SH3PXD2A: variants seen among roughly 807,000 people sequenced by gnomAD.
SH3PXD2A encodes SH3 and PX domains 2A, also known as SH3 and PX domain-containing protein 2A.
In SH3PXD2A, 32 loss-of-function variants were observed where a neutral mutation model predicts 115.2. The ratio of observed to expected loss-of-function variants is 0.28; its 90% CI spans 0.21 to 0.37. The LOEUF is 0.37. Among genes scored for constraint, SH3PXD2A ranks in the 10% least tolerant of loss-of-function variants. The probability of loss-of-function intolerance (pLI) is 1.00; values close to 1 mark genes in which losing one functional copy is unlikely to be tolerated. For synonymous variants in SH3PXD2A, 610 were observed against 629.1 expected (o/e 0.97, Z 0.45); for missense variants, 1,328 against 1,498.7 (o/e 0.89, Z 1.88).
intron 10 of SH3PXD2A, among the ~76,000 whole-genome samples, chr10:103,619,704 G>C (rs948967243): frequency 6.6e-6 from 1 of 152,220 alleles, no homozygotes; most frequent in Admixed American, 6.5e-5. Flanking sequence ...TCTTGGGGGT[G>C]GGGGCAGAAC....
chr10:103,630,223 G>A (rs1273459809), intron 8 of SH3PXD2A, among the ~76,000 whole-genome samples: 1 of 152,202 alleles, frequency 6.6e-6, no homozygotes, highest in Non-Finnish European at 1.5e-5. Context: ...ACTTTGCAAG[G>A]GGCTCTGCCT....
rs187424946 is a variant in SH3PXD2A, at chr10:103,630,675, G to A, written c.605-3473C>T. 2.7e-5 allele frequency among the ~76,000 whole-genome samples: 4 copies of A among 150,886 alleles called. No individual in the cohort carries two copies. The East Asian group carries it at 7.8e-4, about 30-fold the overall frequency. Reference sequence around the variant, plus strand: ...TTGTGCCTGTAATGTCAGCTGCTTGGGAGGCTAAGGTGGGTCACTTGAGGC... The same window carrying A: ...TTGTGCCTGTAATGTCAGCTGCTTGAGAGGCTAAGGTGGGTCACTTGAGGC... On this transcript the variant is annotated intron_variant, in intron 8 of 14. Transcript: ENST00000369774.
chr10:103,633,027 A>G (rs2036805740), intron 8 of SH3PXD2A, among the ~76,000 whole-genome samples: 1 of 152,076 alleles, frequency 6.6e-6, no homozygotes, highest in Non-Finnish European at 1.5e-5. Flanking sequence ...AAACAAAAAC[A>G]GAGTCTGACA....
chr10:103,776,072 G>A (rs547994215), intron 2 of SH3PXD2A, among the ~76,000 whole-genome samples: 63 of 152,230 alleles, frequency 4.1e-4, no homozygotes, highest in Admixed American at 9.2e-4. Flanking sequence ...CTGGCTCATG[G>A]CCCCTTTCTC....
intron 1 of SH3PXD2A, among the ~76,000 whole-genome samples, chr10:103,837,439 C>T (rs1313958151): frequency 6.6e-6 from 1 of 152,182 alleles, no homozygotes; most frequent in Non-Finnish European, 1.5e-5. Flanking sequence ...CATTCCCCAC[C>T]ACTTGAGGGT....
At chr10:103,807,154 C>A (rs1026629518) in intron 1 of SH3PXD2A, among the ~76,000 whole-genome samples, 1 of 152,212 alleles carries the variant, frequency 6.6e-6, no homozygotes, top group Admixed American at 6.5e-5. Flanking sequence ...AGAATGAAGC[C>A]TAGCCCATTT....
At chr10:103,693,896 C>CCTTA in intron 5 of SH3PXD2A, among the ~76,000 whole-genome samples, 1 of 152,288 alleles carries the variant, frequency 6.6e-6, no homozygotes, top group African/African-American at 2.4e-5. Flanking sequence ...ACTGCTGTGA[C>CCTTA]CTTAGGCACT....
In SH3PXD2A at chr10:103,737,442, A is replaced by G. The variant is rs76424188; in HGVS notation, c.230-1634T>C. Reference sequence around the variant, plus strand: ...GCCTTGATTTAGATTATTCCCCCAGACACAGCCCCAGAAACAAGGATTTGA... The same window carrying G: ...GCCTTGATTTAGATTATTCCCCCAGGCACAGCCCCAGAAACAAGGATTTGA... On this transcript the variant is annotated intron_variant, in intron 3 of 14. Coordinates refer to ENST00000369774, the MANE Select transcript of SH3PXD2A (RefSeq NM_001394015.1). Among the ~76,000 whole-genome samples the G allele has an allele frequency of 9.9e-3, 1,514 of 152,280 alleles. 33 individuals carry two copies. The highest frequency in any genetic ancestry group is 0.033 in the African/African-American group (1,387 of 41,534).
At chr10:103,754,753 G>A (rs2134209504) in intron 3 of SH3PXD2A, 1 of 152,308 alleles carries the variant, frequency 6.6e-6, no homozygotes, top group East Asian at 1.9e-4. Flanking sequence ...TCAGGTGTAT[G>A]TAAGGATGTG....
At chr10:103,747,335 G>A (rs1009021971) in intron 3 of SH3PXD2A, among the ~76,000 whole-genome samples, 25 of 152,306 alleles carry the variant, frequency 1.6e-4, no homozygotes, top group African/African-American at 4.6e-4. Context: ...CCATGTGGGC[G>A]TGGGTGTGGT....
chr10:103,615,483 GGTGT>G (rs57711259), intron 11 of SH3PXD2A, among the ~76,000 whole-genome samples: 8,224 of 128,486 alleles, frequency 0.064, 354 homozygotes, highest in African/African-American at 0.11. Flanking sequence ...AGAGTGCGAG[GGTGT>G]GTGTGTGTGT....
At chr10:103,719,721 C>CTTTTTTT (rs11438501) in intron 5 of SH3PXD2A, among the ~76,000 whole-genome samples, 2 of 114,720 alleles carry the variant, frequency 1.7e-5, no homozygotes, top group African/African-American at 6.9e-5. Context: ...TTTTTTCTTT[C>CTTTTTTT]TTTTTTTTTT....
At chr10:103,707,797 C>T (rs976243338) in intron 5 of SH3PXD2A, among the ~76,000 whole-genome samples, 1 of 152,108 alleles carries the variant, frequency 6.6e-6, no homozygotes, top group Admixed American at 6.5e-5. Flanking sequence ...GGATTTGACT[C>T]CAGTGCCAGC....
intron 3 of SH3PXD2A, among the ~76,000 whole-genome samples, chr10:103,736,049 C>T (rs539738469): frequency 3.9e-5 from 6 of 152,206 alleles, no homozygotes; most frequent in Non-Finnish European, 8.8e-5. Context: ...TCTTGGGATT[C>T]AATGAGTGAC....
intron 6 of SH3PXD2A, among the ~76,000 whole-genome samples, chr10:103,689,125 T>C (rs1167431739): frequency 6.6e-6 from 1 of 152,146 alleles, no homozygotes; most frequent in African/African-American, 2.4e-5. Context: ...CTTCTTGCCT[T>C]GGCCTCCCAA....
intron 2 of SH3PXD2A, among the ~76,000 whole-genome samples, chr10:103,771,013 T>C (rs1019210123): frequency 6.6e-6 from 1 of 152,214 alleles, no homozygotes; most frequent in African/African-American, 2.4e-5. Context: ...TAACATGTCA[T>C]TGGGGCCTCT....
chr10:103,757,007 T>G (rs970338811), intron 3 of SH3PXD2A, among the ~76,000 whole-genome samples: 2 of 152,160 alleles, frequency 1.3e-5, no homozygotes, highest in Non-Finnish European at 1.5e-5. Flanking sequence ...TCAACCCTGG[T>G]CTCAGTAACC....
chr10:103,802,797 G>C (rs1207487267), intron 1 of SH3PXD2A, among the ~76,000 whole-genome samples: 1 of 152,166 alleles, frequency 6.6e-6, no homozygotes, highest in African/African-American at 2.4e-5. Flanking sequence ...GTGCCCTTTA[G>C]GATCACCTGG....
At position 103,601,651 on chromosome 10, in the gene SH3PXD2A, G is replaced by A. The variant is rs2036215785; in HGVS notation, c.*165C>T. On this transcript the variant is annotated 3_prime_UTR_variant, in exon 15 of 15. Coordinates refer to ENST00000369774, the MANE Select transcript of SH3PXD2A (RefSeq NM_001394015.1). The stretch of plus-strand genomic sequence containing the variant: ...ATCCCCTACCTTCCAGCTGTGGGAT[G>A]GCTTGGACAGGGGGCATCTTTGAGG... 1.8e-6 allele frequency: 1 copy of A among 567,144 alleles called. No individual in the cohort carries two copies. The highest frequency in any genetic ancestry group is 3.2e-5 in the East Asian group (1 of 31,668). The allele number at this position is 567,144 out of a possible 1,614,324, so 35.1% of individuals were successfully genotyped here.
Sources: allele counts gnomAD v4.1 joint callset (sites outside exome capture counted in the v4.1 genomes callset), GRCh38; gene constraint gnomAD v4.1.1; transcripts MANE v1.5; gene names NCBI Gene and HGNC (gene_info 2026-07-23, HGNC 2026-07-21).